The following RGS6 variants were observed in gnomAD, a reference collection of about 807,000 sequenced individuals.
RGS6 encodes the protein regulator of G-protein signaling 6.
In RGS6, 30 loss-of-function variants were observed where a neutral mutation model predicts 78.5. The observed-to-expected ratio is 0.38, with a 90% CI of 0.29 to 0.52. The LOEUF is 0.52. Ranked by LOEUF, RGS6 falls within the 20% of genes least tolerant of loss-of-function variation. RGS6 has a pLI of 0.85. For synonymous variants in RGS6, 206 were observed against 206.0 expected (o/e 1.00, Z 0.00); for missense variants, 495 against 609.7 (o/e 0.81, Z 1.98).
intron 13 of RGS6, among the ~76,000 whole-genome samples, chr14:72,505,120 C>A (rs139527720): frequency 2.2e-4 from 34 of 152,056 alleles, no homozygotes; most frequent in Non-Finnish European, 4.1e-4. Context: ...CTTCCAGCTT[C>A]TATTCATTAC....
intron 2 of RGS6, among the ~76,000 whole-genome samples, chr14:72,176,615 G>A (rs775400230): frequency 1.3e-5 from 2 of 152,200 alleles, no homozygotes; most frequent in Non-Finnish European, 2.9e-5. Flanking sequence ...GAGTCCAGTC[G>A]GCTTGGAAGT....
At chr14:72,394,392 G>A (rs1362788129) in intron 3 of RGS6, among the ~76,000 whole-genome samples, 1 of 152,056 alleles carries the variant, frequency 6.6e-6, no homozygotes, top group African/African-American at 2.4e-5. Context: ...GAGATCACAG[G>A]CCCGGGGCGA....
At chr14:72,109,276 G>C (rs2095701554) in intron 2 of RGS6, among the ~76,000 whole-genome samples, 1 of 152,014 alleles carries the variant, frequency 6.6e-6, no homozygotes, top group Non-Finnish European at 1.5e-5. Flanking sequence ...CTTGATGTTT[G>C]TGAGGATACC....
chr14:72,391,146 G>A (rs1380905411), intron 3 of RGS6, among the ~76,000 whole-genome samples: 1 of 152,174 alleles, frequency 6.6e-6, no homozygotes, highest in Non-Finnish European at 1.5e-5. Flanking sequence ...TGAAAACTAA[G>A]CCATAATGCA....
chr14:72,144,416 C>T (rs773876851), intron 2 of RGS6, among the ~76,000 whole-genome samples: 3 of 152,194 alleles, frequency 2.0e-5, no homozygotes, highest in Non-Finnish European at 4.4e-5. Flanking sequence ...CTAGGAGAAG[C>T]TTCTCTTTCA....
intron 2 of RGS6, among the ~76,000 whole-genome samples, chr14:72,194,786 G>C (rs929500848): frequency 6.6e-6 from 1 of 152,182 alleles, no homozygotes; most frequent in Non-Finnish European, 1.5e-5. Flanking sequence ...AGGGACCCTG[G>C]GGCAGGGGAG....
chr14:72,608,586 T>C, the RGS6 span, among the ~76,000 whole-genome samples: 5 of 152,110 alleles, frequency 3.3e-5, no homozygotes, highest in Non-Finnish European at 7.4e-5. Flanking sequence ...TCAACCTCCC[T>C]TCTCCTAGAA....
chr14:71,945,876 AACACCTT>A (rs2091438667), intron 1 of RGS6, among the ~76,000 whole-genome samples: 1 of 152,214 alleles, frequency 6.6e-6, no homozygotes, highest in African/African-American at 2.4e-5. Flanking sequence ...ATCCAAGAGA[AACACCTT>A]TTGAGCTGGC....
At chr14:72,430,502 C>T (rs764811334) in intron 3 of RGS6, among the ~76,000 whole-genome samples, 1 of 152,208 alleles carries the variant, frequency 6.6e-6, no homozygotes, top group Non-Finnish European at 1.5e-5. Context: ...AATAAGCATG[C>T]ACAACGTTCA....
intron 13 of RGS6, among the ~76,000 whole-genome samples, chr14:72,506,962 C>A (rs1286110852): frequency 8.5e-6 from 1 of 117,042 alleles, no homozygotes; most frequent in South Asian, 3.0e-4. Flanking sequence ...TCCTGGCTAA[C>A]ACGGTGAAAC....
chr14:72,515,303 G>A (rs182535353), intron 14 of RGS6, among the ~76,000 whole-genome samples: 26 of 142,924 alleles, frequency 1.8e-4, no homozygotes, highest in African/African-American at 7.0e-4. Flanking sequence ...GTTTTCACTT[G>A]TACTTAAAAA....
chr14:72,400,921 A>C (rs934790560), intron 3 of RGS6, among the ~76,000 whole-genome samples: 1 of 143,750 alleles, frequency 7.0e-6, no homozygotes, highest in Admixed American at 6.9e-5. Context: ...GCCAGGTGGC[A>C]GGGCCAGGCC....
Position 72,134,229 on chromosome 14 carries a change from T to A in RGS6, c.84+169354T>A, listed in dbSNP as rs538115059. ...CTGTACCCAGTTACCTCTGAATGTG[T>A]TGCCCATCTCTGGAAGAAGAGGTAT... On this transcript the variant is annotated intron_variant, in intron 2 of 17. Coordinates refer to ENST00000553525, the MANE Select transcript of RGS6 (RefSeq NM_001204424.2). Among the ~76,000 whole-genome samples, 7 of 152,306 alleles carry A rather than the reference T, an allele frequency of 4.6e-5. No individual in the cohort carries two copies. In the South Asian group the frequency reaches 1.5e-3, roughly 32 times the overall value.
At chr14:71,900,351 A>C in the RGS6 span, among the ~76,000 whole-genome samples, 9 of 152,266 alleles carry the variant, frequency 5.9e-5, no homozygotes, top group African/African-American at 2.2e-4. Flanking sequence ...GCCATGAGCT[A>C]CTTGCACATG....
chr14:72,162,270 G>A (rs2096863065), intron 2 of RGS6, among the ~76,000 whole-genome samples: 1 of 152,128 alleles, frequency 6.6e-6, no homozygotes. Flanking sequence ...TCAGCTCTGT[G>A]TTTAGAAAAA....
intron 2 of RGS6, among the ~76,000 whole-genome samples, chr14:72,179,531 GTGTGTCCCTACTA>G (rs2097147616): frequency 6.6e-6 from 1 of 152,210 alleles, no homozygotes; most frequent in African/African-American, 2.4e-5. Flanking sequence ...GGAGCCTTCT[GTGTGTCCCTACTA>G]TATGCAATGT....
the RGS6 span, among the ~76,000 whole-genome samples, chr14:72,573,844 C>T: frequency 2.6e-5 from 4 of 152,206 alleles, no homozygotes; most frequent in Non-Finnish European, 5.9e-5. Flanking sequence ...TATACACACA[C>T]ATGCACGTGC....
At position 72,235,267 on chromosome 14, in the gene RGS6, AG is replaced by A. The variant is rs1336571846; in HGVS notation, c.85-116825del. Among the ~76,000 whole-genome samples the A allele has an allele frequency of 2.0e-5, 3 of 152,116 alleles. No homozygotes were observed. The East Asian group carries it at 5.8e-4, about 29-fold the overall frequency. ...ACCTTCAGTTTGGTGAGGTGACAGAAGGGAGGAAAATATGAGAAGATCTGAG... is the reference window on the plus strand; with the variant it reads ...ACCTTCAGTTTGGTGAGGTGACAGAAGGAGGAAAATATGAGAAGATCTGAG... On this transcript the variant is annotated intron_variant, in intron 2 of 17. Transcript: ENST00000553525.
chr14:71,900,374 A>C, the RGS6 span, among the ~76,000 whole-genome samples: 1 of 152,026 alleles, frequency 6.6e-6, no homozygotes, highest in African/African-American at 2.4e-5. Context: ...TTGAGATGCC[A>C]TTTTCCTGTT....
Sources: allele counts gnomAD v4.1 joint callset (sites outside exome capture counted in the v4.1 genomes callset), GRCh38; gene constraint gnomAD v4.1.1; transcripts MANE v1.5; gene names NCBI Gene and HGNC (gene_info 2026-07-23, HGNC 2026-07-21).